SETX: variants seen among roughly 807,000 people sequenced by gnomAD.
SETX encodes senataxin.
A neutral mutation model predicts 227.2 loss-of-function variants in SETX; 90 were observed. That is an observed-to-expected ratio of 0.40 (90% CI 0.33 to 0.47). The LOEUF (loss-of-function observed/expected upper bound fraction) is 0.47, where lower values mean the gene tolerates loss of function less well. SETX is among the 20% of genes least tolerant of loss of function. The pLI, the probability that SETX is intolerant of heterozygous loss-of-function variation, is 0.91. For synonymous variants in SETX, 1,210 were observed against 1,113.2 expected (o/e 1.09, Z -1.73); for missense variants, 3,052 against 3,181.5 (o/e 0.96, Z 0.98).
chr9:132,329,669 T>G lies in SETX; in HGVS notation c.1929A>C (p.Pro643=), dbSNP rs1847095597. 6.2e-7 allele frequency: 1 copy of G among 1,613,864 alleles called. No individual in the cohort carries two copies. The highest frequency in any genetic ancestry group is 2.2e-5 in the East Asian group (1 of 44,878). The change falls in exon 10 of 26, where the codon CCA becomes CCC. Residue 643 remains proline, a synonymous_variant. Coordinates refer to ENST00000224140, the MANE Select transcript of SETX (RefSeq NM_015046.7). ...KDMHCLEASS[P]TFSKEPMKVQ... ...CTTTCATTGGTTCTTTAGAAAATGT[T>G]GGGCTGGAAGCTTCCAAACAATGCA... is the stretch of plus-strand genomic sequence containing the variant.
intron 10 of SETX, among the ~76,000 whole-genome samples, chr9:132,319,530 G>A (rs1195961187): frequency 2.0e-5 from 3 of 151,782 alleles, no homozygotes; most frequent in African/African-American, 7.3e-5. Flanking sequence ...ACTTCACTTC[G>A]GCCATACCAG....
At chr9:132,297,966 T>G in intron 13 of SETX, 114 bp downstream of exon 13, 1 of 891,294 alleles carries the variant, frequency 1.1e-6, no homozygotes, top group Non-Finnish European at 1.8e-6. Context: ...AACACTAAAC[T>G]GTTCACCGTG....
intron 18 of SETX, among the ~76,000 whole-genome samples, chr9:132,283,979 TCA>T (rs1001132485): frequency 6.6e-6 from 1 of 152,210 alleles, no homozygotes; most frequent in African/African-American, 2.4e-5. Context: ...GAGTGACGCC[TCA>T]CAGTCACACC....
Position 132,263,808 on chromosome 9 carries a change from C to CTT in SETX, c.*429_*430dup, listed in dbSNP as rs1245820302. ...TTGAAAGGACCCGCCCTCCTCCCAT[C>CTT]TTTTTTTTTTTGGTAATATAAAGTT... On this transcript the variant is annotated 3_prime_UTR_variant, in exon 26 of 26. Transcript: ENST00000224140. 66 of 144,416 alleles carry CTT rather than the reference C, an allele frequency of 4.6e-4. No homozygotes were observed. Among genetic ancestry groups the CTT allele is most frequent in the African/African-American group, 9.8e-4 (32 of 32,600 alleles). The allele number at this position is 144,416 out of a possible 1,614,324, so 8.9% of individuals were successfully genotyped here. A position where few individuals can be genotyped will look rare whatever the true frequency, so the allele number is the denominator to read the frequency against.
rs1415059169 is a variant in SETX at position 132,326,530 on chromosome 9, T to C, written c.5068A>G (p.Ile1690Val). ...GAGACAGACTGTGATGACAAAAGAA[T>C]GTTTACTGGAGAGGAAGATGGAAAA... ...KYFPSSSPVN[I>V]LLSSQSVSDT... Residue 1690 changes from isoleucine (I) to valine (V), a missense_variant, in exon 10 of 26, where the codon ATT (isoleucine) becomes GTT (valine). Physicochemically the swap from Ile to Val is conservative, Grantham distance 29 (BLOSUM62 3). Coordinates refer to ENST00000224140, the MANE Select transcript of SETX (RefSeq NM_015046.7). The C allele has an allele frequency of 1.9e-6, 3 of 1,614,072 alleles. No homozygotes were observed. Among genetic ancestry groups the C allele is most frequent in the Non-Finnish European group, 2.5e-6 (3 of 1,180,042 alleles).
chr9:132,296,915 A>C lies in SETX; in HGVS notation c.5921T>G (p.Val1974Gly). Reference sequence around the variant, plus strand: ...TGTCAGTAGACGATAGAGGAGGCCAACAATAGTTTTTGATTTTCCTGTTCC... The same window carrying C: ...TGTCAGTAGACGATAGAGGAGGCCACCAATAGTTTTTGATTTTCCTGTTCC... ...PPGTGKSKTI[V>G]GLLYRLLTEN... Residue 1974 changes from valine to glycine, a missense_variant, in exon 14 of 26, where the codon GTT becomes GGT. Around this residue, in one of 10 missense-constraint regions of SETX, gnomAD observed 412 missense variants for 589.0 expected, o/e 0.70. Transcript: ENST00000224140. The C allele has an allele frequency of 6.2e-7, 1 of 1,614,146 alleles. No homozygotes were observed. The highest frequency in any genetic ancestry group is 8.5e-7 in the Non-Finnish European group (1 of 1,180,014).
intron 10 of SETX, 40 bp downstream of exon 10, chr9:132,326,284 G>A: frequency 7.6e-6 from 11 of 1,450,048 alleles, no homozygotes; most frequent in Non-Finnish European, 1.1e-5. Context: ...GAGGTAACTT[G>A]AAAAGTTTGG....
In SETX at chr9:132,264,061, G is replaced by T; in HGVS notation, c.*178C>A. The T allele has an allele frequency of 2.5e-6, 2 of 804,948 alleles. No homozygotes were observed. The highest frequency in any genetic ancestry group is 3.9e-6 in the Non-Finnish European group (2 of 510,200). The allele number at this position is 804,948 out of a possible 1,614,324, so 49.9% of individuals were successfully genotyped here. A position where few individuals can be genotyped will look rare whatever the true frequency, so the allele number is the denominator to read the frequency against. On this transcript the variant is annotated 3_prime_UTR_variant, in exon 26 of 26. Transcript: ENST00000224140. ...TACACAATGCCCTCTGAAAGCTTTT[G>T]CAAATGACAGAAAATACTGAAGATG...
rs1842481919 is a variant in SETX at position 132,263,320 on chromosome 9, T to A, written c.*919A>T. The A allele has an allele frequency of 1.3e-5, 2 of 152,204 alleles. No homozygotes were observed. The highest frequency in any genetic ancestry group is 4.1e-4 in the South Asian group (2 of 4,834). The allele number at this position is 152,204 out of a possible 1,614,324, so 9.4% of individuals were successfully genotyped here. On this transcript the variant is annotated 3_prime_UTR_variant, in exon 26 of 26. Coordinates refer to ENST00000224140, the MANE Select transcript of SETX (RefSeq NM_015046.7). Reference sequence around the variant, plus strand: ...CAGGCTTTCTGGAAAACTAGTTAGATCTGTCTGACAATCTGTAAGCTGAGG... The same window carrying A: ...CAGGCTTTCTGGAAAACTAGTTAGAACTGTCTGACAATCTGTAAGCTGAGG...
intron 20 of SETX, 114 bp downstream of exon 20, chr9:132,281,353 T>C (rs1049157653): frequency 1.4e-6 from 1 of 738,328 alleles, no homozygotes; most frequent in African/African-American, 1.8e-5. Flanking sequence ...AGTTACTGCT[T>C]ACTTTTCCCT....
At chr9:132,295,554 A>AGAC (rs1844618687) in intron 15 of SETX, among the ~76,000 whole-genome samples, 1 of 152,134 alleles carries the variant, frequency 6.6e-6, no homozygotes. Flanking sequence ...CACACAACTG[A>AGAC]ATCAGGGTCC....
chr9:132,286,524 A>C (rs752097017), intron 17 of SETX, 30 bp from the exon 18 acceptor site: 3 of 1,508,480 alleles, frequency 2.0e-6, no homozygotes, highest in Non-Finnish European at 2.8e-6. Flanking sequence ...TCACAATTAA[A>C]ACTAAACTAA....
intron 10 of SETX, among the ~76,000 whole-genome samples, chr9:132,315,101 C>T (rs1051830731): frequency 1.3e-5 from 2 of 151,852 alleles, no homozygotes; most frequent in African/African-American, 2.4e-5. Flanking sequence ...TTAGTAGAGA[C>T]AGGGTTTCAC....
intron 11 of SETX, among the ~76,000 whole-genome samples, chr9:132,305,861 T>A (rs769483922): frequency 1.1e-4 from 16 of 152,166 alleles, no homozygotes; most frequent in Non-Finnish European, 2.1e-4. Context: ...TGGTATAATA[T>A]GAATAAGGTC....
chr9:132,329,572 C>A lies in SETX; in HGVS notation c.2026G>T (p.Asp676Tyr), dbSNP rs1483183815. Reference sequence around the variant, plus strand: ...AAGAGATGGTCCTCTAGTTTCACATCCTTTATATAATTTTGCTCATTATTG... The same window carrying A: ...AAGAGATGGTCCTCTAGTTTCACATACTTTATATAATTTTGCTCATTATTG... ...GDNNEQNYIKDVKLEDHLLAG... is the reference protein window; with the variant it reads ...GDNNEQNYIKYVKLEDHLLAG... Residue 676 changes from aspartate (D) to tyrosine (Y), a missense_variant, in exon 10 of 26, where the codon GAT becomes TAT. Asp to Tyr is a radical substitution (Grantham distance 160). Transcript: ENST00000224140. The A allele has an allele frequency of 6.2e-7, 1 of 1,613,438 alleles. No individual in the cohort carries two copies. Among genetic ancestry groups the A allele is most frequent in the African/African-American group, 1.3e-5 (1 of 74,924 alleles).
At chr9:132,351,109 G>C (rs1057127163) in intron 2 of SETX, among the ~76,000 whole-genome samples, 2 of 152,146 alleles carry the variant, frequency 1.3e-5, no homozygotes, top group East Asian at 1.9e-4. Context: ...ATACCTAAGA[G>C]GCCAACATCA....
At position 132,329,718 on chromosome 9, in the gene SETX, A is replaced by G. The variant is rs199707503; in HGVS notation, c.1880T>C (p.Met627Thr). The change falls in exon 10 of 26, where the codon ATG (methionine) becomes ACG (threonine). Residue 627 changes from methionine (M) to threonine (T), a missense_variant. Coordinates refer to ENST00000224140, the MANE Select transcript of SETX (RefSeq NM_015046.7). ...ASYNKEESEQ[M>T]GKTSRKDMHC... ...CATATCTTTTCTAGACGTCTTCCCCATTTGTTCACTTTCTTCTTTATTATA... is the reference window on the plus strand; with the variant it reads ...CATATCTTTTCTAGACGTCTTCCCCGTTTGTTCACTTTCTTCTTTATTATA... 6.7e-5 allele frequency: 108 copies of G among 1,614,072 alleles called. No individual in the cohort carries two copies. In the East Asian group the frequency reaches 2.3e-3, roughly 35 times the overall value.
upstream of SETX, among the ~76,000 whole-genome samples, chr9:132,355,687 T>C (rs1848872841): frequency 6.7e-6 from 1 of 149,918 alleles, no homozygotes. Context: ...CAAAAAAAAA[T>C]TAAAACTCAG....
rs779515782 is a variant in SETX at position 132,342,789 on chromosome 9, A to G, written c.399T>C (p.Cys133=). 54 of 1,612,886 alleles carry G rather than the reference A, an allele frequency of 3.3e-5. No individual in the cohort carries two copies. The highest frequency in any genetic ancestry group is 4.5e-5 in the Non-Finnish European group (53 of 1,179,176). The change falls in exon 5 of 26, where the codon TGT becomes TGC. Residue 133 remains cysteine, a synonymous_variant. Coordinates refer to ENST00000224140, the MANE Select transcript of SETX (RefSeq NM_015046.7). ...GTTCCATCCGACAAAGTGCTTCAAC[A>G]CATAACTCGTCTAAAAAGAAAAAAA... ...LLLHERVNEL[C]VEALCRMEQA... is the part of the protein sequence containing the mutation.
Sources: allele counts gnomAD v4.1 joint callset (sites outside exome capture counted in the v4.1 genomes callset), GRCh38; gene constraint gnomAD v4.1.1; regional missense constraint gnomAD v4.1.1; transcripts MANE v1.5; gene names NCBI Gene and HGNC (gene_info 2026-07-23, HGNC 2026-07-21).